Variants in CTNND2 observed in about 807,000 individuals in gnomAD.
CTNND2 encodes catenin delta-2.
A neutral mutation model predicts 144.4 loss-of-function variants in CTNND2; 22 were observed. The observed-to-expected ratio is 0.15, with a 90% CI of 0.11 to 0.22. The LOEUF (loss-of-function observed/expected upper bound fraction) is 0.22. Among genes scored for constraint, CTNND2 ranks in the 10% least tolerant of loss-of-function variants. The pLI is 1.00. For synonymous variants in CTNND2, 751 were observed against 695.6 expected (o/e 1.08, Z -1.25); for missense variants, 1,353 against 1,618.8 (o/e 0.84, Z 2.82).
intron 12 of CTNND2, among the ~76,000 whole-genome samples, chr5:11,153,137 A>G (rs1757901582): frequency 1.3e-5 from 2 of 152,020 alleles, no homozygotes; most frequent in Admixed American, 1.3e-4. Context: ...GGTGGTATGT[A>G]TGTAGTCCCA....
chr5:11,342,714 G>A (rs1754397730), intron 9 of CTNND2, among the ~76,000 whole-genome samples: 1 of 152,124 alleles, frequency 6.6e-6, no homozygotes, highest in African/African-American at 2.4e-5. Flanking sequence ...TAGTATATCT[G>A]GGTATATCAG....
intron 9 of CTNND2, among the ~76,000 whole-genome samples, chr5:11,333,036 T>G (rs904610023): frequency 3.3e-5 from 5 of 152,240 alleles, no homozygotes; most frequent in African/African-American, 1.2e-4. Flanking sequence ...GTCCTGGGTA[T>G]GCCTTTATCA....
chr5:11,130,935 T>C (rs1352223361), intron 12 of CTNND2, among the ~76,000 whole-genome samples: 3 of 152,252 alleles, frequency 2.0e-5, no homozygotes, highest in Middle Eastern at 6.8e-3. Context: ...GCACCTTGAC[T>C]TCCCATCAAG....
At chr5:11,095,193 G>GC (rs1016656917) in intron 15 of CTNND2, among the ~76,000 whole-genome samples, 2 of 152,146 alleles carry the variant, frequency 1.3e-5, no homozygotes, top group Non-Finnish European at 2.9e-5. Context: ...TGATCTGGTT[G>GC]CCCCTGAGAT....
chr5:11,035,577 T>A (rs1051484836), intron 16 of CTNND2, among the ~76,000 whole-genome samples: 1 of 152,220 alleles, frequency 6.6e-6, no homozygotes, highest in Non-Finnish European at 1.5e-5. Flanking sequence ...CAGCCACAGG[T>A]CTGGGGGAAT....
chr5:11,083,898 C>G (rs767773647), intron 15 of CTNND2: 176 of 1,140,100 alleles, frequency 1.5e-4, no homozygotes, highest in Non-Finnish European at 1.8e-4. Flanking sequence ...AGGCAGGGAG[C>G]CCCCTCTGGC....
intron 2 of CTNND2, among the ~76,000 whole-genome samples, chr5:11,677,362 G>A (rs1422142224): frequency 6.6e-6 from 1 of 152,192 alleles, no homozygotes; most frequent in African/African-American, 2.4e-5. Context: ...ATCTGCCCCT[G>A]AGTAGAGCTC....
At chr5:11,754,634 G>C (rs1788819195) in intron 1 of CTNND2, among the ~76,000 whole-genome samples, 1 of 151,764 alleles carries the variant, frequency 6.6e-6, no homozygotes, top group Non-Finnish European at 1.5e-5. Context: ...GAATCTGGGT[G>C]CTCCTGTCTT....
At chr5:11,437,919 C>A (rs1763911465) in intron 3 of CTNND2, among the ~76,000 whole-genome samples, 2 of 152,176 alleles carry the variant, frequency 1.3e-5, no homozygotes, top group Non-Finnish European at 2.9e-5. Flanking sequence ...GGTGGCTAGG[C>A]CTCTTCTGAA....
At chr5:11,399,320 C>T (rs1458487702) in intron 5 of CTNND2, among the ~76,000 whole-genome samples, 1 of 152,092 alleles carries the variant, frequency 6.6e-6, no homozygotes, top group East Asian at 1.9e-4. Context: ...TTGGAAATAT[C>T]AATAGAATGA....
At chr5:11,854,697 C>T (rs571573884) in intron 1 of CTNND2, among the ~76,000 whole-genome samples, 146 of 152,288 alleles carry the variant, frequency 9.6e-4, no homozygotes, top group African/African-American at 3.3e-3. Context: ...ACACAAGTAT[C>T]GAACGTACAG....
intron 9 of CTNND2, among the ~76,000 whole-genome samples, chr5:11,287,225 A>C (rs1310955913): frequency 6.6e-6 from 1 of 152,188 alleles, no homozygotes; most frequent in Admixed American, 6.6e-5. Flanking sequence ...ATTAACATTT[A>C]AATCAGTCAA....
intron 1 of CTNND2, among the ~76,000 whole-genome samples, chr5:11,790,521 T>C (rs897256226): frequency 1.3e-5 from 2 of 152,170 alleles, no homozygotes; most frequent in Non-Finnish European, 2.9e-5. Context: ...CTGTAATGAC[T>C]GAGTAAGGTA....
intron 19 of CTNND2, among the ~76,000 whole-genome samples, chr5:10,989,693 T>C (rs1425442074): frequency 6.6e-6 from 1 of 152,184 alleles, no homozygotes; most frequent in East Asian, 1.9e-4. Flanking sequence ...ATCTTCTATG[T>C]ACAAATTCCT....
At chr5:11,593,887 T>A (rs1431168757) in intron 2 of CTNND2, among the ~76,000 whole-genome samples, 1 of 151,714 alleles carries the variant, frequency 6.6e-6, no homozygotes, top group Non-Finnish European at 1.5e-5. Flanking sequence ...TAAGTACTCA[T>A]TAGAATGATT....
In CTNND2 at chr5:11,036,427, C is replaced by CT. The variant is rs1052449398; in HGVS notation, c.2789-13449dup. On this transcript the variant is annotated intron_variant, in intron 16 of 21. Transcript: ENST00000304623. ...CACCCCCACAGTCAAACTAATACAA[C>CT]TTTTTTTTTTTGGACAGAGTTTCAC... 9.1e-4 allele frequency among the ~76,000 whole-genome samples: 134 copies of CT among 147,364 alleles called. 1 individual carries two copies. Among genetic ancestry groups the CT allele is most frequent in the Admixed American group, 4.1e-3 (60 of 14,714 alleles).
At chr5:11,599,223 C>T (rs1288112716) in intron 2 of CTNND2, among the ~76,000 whole-genome samples, 1 of 152,124 alleles carries the variant, frequency 6.6e-6, no homozygotes, top group Admixed American at 6.5e-5. Context: ...AATCATAACA[C>T]ATCTAGAGCA....
rs146433715 is a variant in CTNND2, at chr5:11,829,880, G to C, written c.37+73937C>G. Among the ~76,000 whole-genome samples, 1,339 of 152,314 alleles carry C rather than the reference G, an allele frequency of 8.8e-3. 72 individuals are homozygous for C. Among genetic ancestry groups the C allele is most frequent in the Admixed American group, 0.08 (1,224 of 15,302 alleles). ...AGTAAGCCTGGGAAAGCAGCCAGGA[G>C]GGAGGCTGTACCCTGCAAAGCCACA... On this transcript the variant is annotated intron_variant, in intron 1 of 21. Coordinates refer to ENST00000304623, the MANE Select transcript of CTNND2 (RefSeq NM_001332.4).
At chr5:11,438,141 G>A (rs2149887274) in intron 3 of CTNND2, among the ~76,000 whole-genome samples, 1 of 152,260 alleles carries the variant, frequency 6.6e-6, no homozygotes, top group South Asian at 2.1e-4. Context: ...TTGTGGACTG[G>A]ATATAGAAAA....
Sources: gnomAD v4.1 joint callset for allele counts (sites outside exome capture counted in the v4.1 genomes callset) on GRCh38, gnomAD v4.1.1 for gene constraint, MANE v1.5 for transcripts, NCBI Gene and HGNC (gene_info 2026-07-23, HGNC 2026-07-21) for gene names.